Variants in CEP350 observed in about 807,000 individuals in gnomAD.
CEP350 encodes the protein centrosome-associated protein 350.
A neutral mutation model predicts 331.8 loss-of-function variants in CEP350; 126 were observed. The observed-to-expected ratio is 0.38, with a 90% confidence interval of 0.33 to 0.44. The LOEUF (loss-of-function observed/expected upper bound fraction) is 0.44. CEP350 is among the 20% of genes least tolerant of loss of function. The probability of loss-of-function intolerance (pLI) is 1.00; values close to 1 mark genes in which losing one functional copy is unlikely to be tolerated. For synonymous variants in CEP350, 1,200 were observed against 1,259.5 expected, an observed-to-expected ratio of 0.95 and a Z score of 1.00; for missense variants, 3,406 against 3,634.6, an observed-to-expected ratio of 0.94 and a Z score of 1.62.
chr1:180,030,206 A>T (rs988666174), intron 14 of CEP350, among the ~76,000 whole-genome samples: 1 of 130,158 alleles, frequency 7.7e-6, no homozygotes, highest in Non-Finnish European at 1.7e-5. Context: ...TTAACTTTAA[A>T]TTTTTTGTAT....
Position 179,955,073 on chromosome 1 carries a change from C to T in CEP350, c.-83C>T, listed in dbSNP as rs1650063356. 3 of 1,427,888 alleles carry T rather than the reference C, an allele frequency of 2.1e-6. No individual in the cohort carries two copies. The highest frequency in any genetic ancestry group is 1.5e-5 in the African/African-American group (1 of 67,350). 88.5% of individuals were successfully genotyped at this position (1,427,888 alleles called of 1,614,324 possible). A position where few individuals can be genotyped will look rare whatever the true frequency, so the allele number is the denominator to read the frequency against. ...GCAGCCCTGGGGCCGGTCGGGGCGG[C>T]GTCACTGCACCCTCCGCCAGGCTCC... On this transcript the variant is annotated 5_prime_UTR_variant, in exon 1 of 38. Transcript: ENST00000367607.
chr1:180,046,762 A>G (rs890329084), intron 21 of CEP350, among the ~76,000 whole-genome samples: 2 of 152,146 alleles, frequency 1.3e-5, no homozygotes, highest in Non-Finnish European at 2.9e-5. Context: ...TAGCCATCTT[A>G]GGGGGGACCA....
In CEP350 at chr1:180,047,394, T is replaced by A. The variant is rs899047746; in HGVS notation, c.4623-1142T>A. Reference sequence around the variant, plus strand: ...GGAAGGGCAAAGATAATGATACAAATTTGAGGCTCACTCTAAATGATAGTA... The same window carrying A: ...GGAAGGGCAAAGATAATGATACAAAATTGAGGCTCACTCTAAATGATAGTA... On this transcript the variant is annotated intron_variant, in intron 21 of 37. Coordinates refer to ENST00000367607, the MANE Select transcript of CEP350 (RefSeq NM_014810.5). Among the ~76,000 whole-genome samples, 10 of 152,170 alleles carry A rather than the reference T, an allele frequency of 6.6e-5. No individual in the cohort carries two copies. The South Asian group carries it at 1.9e-3, about 28-fold the overall frequency.
chr1:180,009,356 A>G (rs1040154551), intron 8 of CEP350, among the ~76,000 whole-genome samples: 30 of 152,214 alleles, frequency 2.0e-4, no homozygotes, highest in African/African-American at 6.5e-4. Flanking sequence ...GCGTTATGTA[A>G]TACTGTTGTC....
Position 180,036,628 on chromosome 1 carries a change from T to C in CEP350, c.3947-298T>C, listed in dbSNP as rs142902076. On this transcript the variant is annotated intron_variant, in intron 16 of 37. Coordinates refer to ENST00000367607, the MANE Select transcript of CEP350 (RefSeq NM_014810.5). ...AATACAGTATTTTTAAATTAAAGTA[T>C]GTACTTTTTTTAGACATAATGCTAT... 8.5e-5 allele frequency among the ~76,000 whole-genome samples: 13 copies of C among 152,330 alleles called. No homozygotes were observed. In the East Asian group the frequency reaches 2.3e-3, roughly 27 times the overall value.
intron 12 of CEP350, 78 bp downstream of exon 12, chr1:180,021,087 T>A: frequency 7.8e-7 from 1 of 1,282,312 alleles, no homozygotes; most frequent in South Asian, 2.1e-5. Flanking sequence ...AGATATGTAC[T>A]TTAGTACACA....
intron 27 of CEP350, among the ~76,000 whole-genome samples, chr1:180,068,310 A>T (rs1379121269): frequency 1.3e-5 from 2 of 152,132 alleles, no homozygotes; most frequent in Non-Finnish European, 2.9e-5. Context: ...TGTTGAGTAG[A>T]CATTTTATAA....
At chr1:180,050,697 A>C (rs1657442873) in intron 22 of CEP350, among the ~76,000 whole-genome samples, 1 of 151,500 alleles carries the variant, frequency 6.6e-6, no homozygotes, top group Admixed American at 6.6e-5. Context: ...AAAACAAAAA[A>C]ACCTCAATAA....
At chr1:180,063,613 A>G (rs913222400) in intron 26 of CEP350, among the ~76,000 whole-genome samples, 1 of 151,066 alleles carries the variant, frequency 6.6e-6, no homozygotes, top group African/African-American at 2.4e-5. Flanking sequence ...GGAGTTTGAG[A>G]CCAGCCTGGG....
At chr1:180,098,215 C>T (rs534712256) in intron 36 of CEP350, among the ~76,000 whole-genome samples, 4 of 152,216 alleles carry the variant, frequency 2.6e-5, no homozygotes, top group South Asian at 2.1e-4. Context: ...GGTGATCCGC[C>T]GCCTTGGCCT....
intron 20 of CEP350, among the ~76,000 whole-genome samples, chr1:180,043,434 A>G (rs1400689038): frequency 6.6e-6 from 1 of 152,220 alleles, no homozygotes; most frequent in Non-Finnish European, 1.5e-5. Context: ...AATGTAACAC[A>G]GGAATTTGAA....
intron 36 of CEP350, among the ~76,000 whole-genome samples, chr1:180,098,195 C>G (rs558769334): frequency 7.9e-5 from 12 of 152,280 alleles, no homozygotes; most frequent in Non-Finnish European, 1.6e-4. Flanking sequence ...GTCTCGAACT[C>G]CCGACCTCAG....
intron 4 of CEP350, 46 bp downstream of exon 4, chr1:179,990,667 AT>A: frequency 9.4e-7 from 1 of 1,068,834 alleles, no homozygotes; most frequent in Non-Finnish European, 1.4e-6. Context: ...TTAAATATAA[AT>A]TTTGACAAAA....
At chr1:180,075,776 G>A (rs1444565344) in intron 28 of CEP350, among the ~76,000 whole-genome samples, 1 of 151,650 alleles carries the variant, frequency 6.6e-6, no homozygotes, top group Non-Finnish European at 1.5e-5. Flanking sequence ...ACAACACAGT[G>A]AAACCCCGTC....
chr1:179,955,235 G>T (rs1437731225), intron 1 of CEP350, 93 bp downstream of exon 1: 2 of 1,135,436 alleles, frequency 1.8e-6, no homozygotes, highest in Non-Finnish European at 2.2e-6. Context: ...GGCGGCAAGA[G>T]AGGCGGGGCC....
In CEP350 at chr1:180,093,902, G is replaced by A; in HGVS notation, c.7797G>A (p.Glu2599=). 6.2e-7 allele frequency: 1 copy of A among 1,613,794 alleles called. No homozygotes were observed. Among genetic ancestry groups the A allele is most frequent in the Non-Finnish European group, 8.5e-7 (1 of 1,179,854 alleles). ...ATAATCAAGAGCAAAATGATACAGA[G>A]GGTCCAAAAGACAGAGAAAAGGATG... The part of the protein sequence containing the change: ...QCYNQEQNDT[E]GPKDREKDVS... Residue 2599 remains glutamate (E), a synonymous_variant, in exon 34 of 38, where the codon GAG becomes GAA. Transcript: ENST00000367607.
At chr1:180,073,823 A>G (rs1432878961) in intron 27 of CEP350, 1 of 1,304,196 alleles carries the variant, frequency 7.7e-7, no homozygotes, top group Non-Finnish European at 1.0e-6. Flanking sequence ...CTCTGTCTTT[A>G]CGTCTCATCA....
Position 180,014,510 on chromosome 1 carries a change from T to C in CEP350, c.2052+5T>C, listed in dbSNP as rs1424022847. The C allele has an allele frequency of 6.3e-7, 1 of 1,592,474 alleles. No individual in the cohort carries two copies. The highest frequency in any genetic ancestry group is 1.8e-5 in the Admixed American group (1 of 55,238). ...CATGTTACGCAGGAAACACAGGTAATAGTAGTGACATATACAAAGGAGAGT... is the reference window on the plus strand; with the variant it reads ...CATGTTACGCAGGAAACACAGGTAACAGTAGTGACATATACAAAGGAGAGT... On this transcript the variant is annotated splice_donor_5th_base_variant and intron_variant, in intron 10 of 37. Coordinates refer to ENST00000367607, the MANE Select transcript of CEP350 (RefSeq NM_014810.5).
chr1:180,009,595 GA>G (rs1187338684), intron 8 of CEP350, among the ~76,000 whole-genome samples: 1 of 152,052 alleles, frequency 6.6e-6, no homozygotes, highest in East Asian at 1.9e-4. Flanking sequence ...TTAGAATTTA[GA>G]AATAACCACT....
Sources: allele counts gnomAD v4.1 joint callset (sites outside exome capture counted in the v4.1 genomes callset), GRCh38; gene constraint gnomAD v4.1.1; transcripts MANE v1.5; gene names NCBI Gene and HGNC (gene_info 2026-07-23, HGNC 2026-07-21).